ARHGAP15: variants seen among roughly 807,000 people sequenced by gnomAD.
ARHGAP15 encodes the protein rho GTPase-activating protein 15.
In ARHGAP15, 51 loss-of-function variants were observed where a neutral mutation model predicts 63.7. That is an observed-to-expected ratio of 0.80 (90% confidence interval 0.64 to 1.01). The LOEUF (loss-of-function observed/expected upper bound fraction) is 1.01, where lower values mean the gene tolerates loss of function less well. Ranked by LOEUF, ARHGAP15 falls within the 50% of genes least tolerant of loss-of-function variation. ARHGAP15 has a pLI of 0.00. For synonymous variants in ARHGAP15, 191 were observed against 193.8 expected (o/e 0.99, Z 0.12); for missense variants, 560 against 564.6 (o/e 0.99, Z 0.08).
At chr2:143,613,509 A>G (rs1317998022) in intron 11 of ARHGAP15, among the ~76,000 whole-genome samples, 1 of 152,210 alleles carries the variant, frequency 6.6e-6, no homozygotes, top group East Asian at 1.9e-4. Flanking sequence ...TTATGATACT[A>G]AAACACCATT....
At chr2:143,730,723 A>C (rs1392477625) in intron 13 of ARHGAP15, among the ~76,000 whole-genome samples, 3 of 152,076 alleles carry the variant, frequency 2.0e-5, no homozygotes, top group African/African-American at 7.2e-5. Context: ...TATATTCCAC[A>C]GTGCAGTGTC....
At chr2:143,379,122 C>G (rs886992219) in intron 6 of ARHGAP15, among the ~76,000 whole-genome samples, 20 of 151,886 alleles carry the variant, frequency 1.3e-4, no homozygotes, top group African/African-American at 4.8e-4. Context: ...TCATTAAAAG[C>G]AGAGATGATT....
chr2:143,661,715 G>A (rs986367993), intron 12 of ARHGAP15, among the ~76,000 whole-genome samples: 26 of 152,288 alleles, frequency 1.7e-4, no homozygotes, highest in East Asian at 5.8e-4. Flanking sequence ...CAGTGGGTGC[G>A]CACACCGTGC....
chr2:143,344,452 G>C (rs76783691), intron 6 of ARHGAP15, among the ~76,000 whole-genome samples: 2,863 of 152,154 alleles, frequency 0.019, 89 homozygotes, highest in African/African-American at 0.065. Flanking sequence ...TAGCAGTATA[G>C]TAGAGTGTGT....
chr2:143,158,760 A>G (rs1690181156), intron 2 of ARHGAP15, among the ~76,000 whole-genome samples: 1 of 151,938 alleles, frequency 6.6e-6, no homozygotes, highest in Non-Finnish European at 1.5e-5. Flanking sequence ...AAAGGTAGAC[A>G]GCTTATTTAC....
chr2:143,138,395 G>A (rs1409366032), intron 1 of ARHGAP15, among the ~76,000 whole-genome samples: 2 of 152,054 alleles, frequency 1.3e-5, no homozygotes, highest in South Asian at 2.1e-4. Context: ...TAATTTTGAA[G>A]CCTGTTAAGT....
chr2:143,155,733 CTTGTT>C, intron 2 of ARHGAP15, 78 bp downstream of exon 2: 1 of 1,409,728 alleles, frequency 7.1e-7, no homozygotes, highest in Non-Finnish European at 9.5e-7. Context: ...GCTAATTAGT[CTTGTT>C]TTATTTGTTT....
chr2:143,595,236 A>G (rs919028845), intron 11 of ARHGAP15, among the ~76,000 whole-genome samples: 3 of 152,282 alleles, frequency 2.0e-5, no homozygotes, highest in South Asian at 4.1e-4. Flanking sequence ...CATTCAGCAA[A>G]TCAGTTGCTG....
chr2:143,275,274 C>T (rs1433443202), intron 6 of ARHGAP15, among the ~76,000 whole-genome samples: 1 of 152,138 alleles, frequency 6.6e-6, no homozygotes, highest in Non-Finnish European at 1.5e-5. Flanking sequence ...CAAACCTTGG[C>T]AGAGAGTAGC....
At chr2:143,611,755 C>CA (rs2105218177) in intron 11 of ARHGAP15, among the ~76,000 whole-genome samples, 1 of 152,206 alleles carries the variant, frequency 6.6e-6, no homozygotes, top group Non-Finnish European at 1.5e-5. Context: ...ATCTTTTTAT[C>CA]AAAAAACAAA....
intron 6 of ARHGAP15, among the ~76,000 whole-genome samples, chr2:143,320,241 G>T (rs760983241): frequency 4.6e-5 from 7 of 152,086 alleles, no homozygotes; most frequent in Non-Finnish European, 1.0e-4. Flanking sequence ...AGTCCTACCA[G>T]ACAAAGGAGG....
intron 10 of ARHGAP15, among the ~76,000 whole-genome samples, chr2:143,540,435 T>C (rs980110789): frequency 2.0e-5 from 3 of 152,204 alleles, no homozygotes; most frequent in Admixed American, 2.0e-4. Context: ...TAGCTGGTTA[T>C]TTTGCTTGTT....
intron 11 of ARHGAP15, among the ~76,000 whole-genome samples, chr2:143,603,669 T>C (rs1384240877): frequency 6.6e-6 from 1 of 152,196 alleles, no homozygotes; most frequent in Non-Finnish European, 1.5e-5. Flanking sequence ...CTTAAAGCTG[T>C]TGAAGTTGAA....
intron 6 of ARHGAP15, among the ~76,000 whole-genome samples, chr2:143,272,880 T>C (rs1681360277): frequency 6.6e-6 from 1 of 152,226 alleles, no homozygotes; most frequent in African/African-American, 2.4e-5. Flanking sequence ...TCTTGCTTTT[T>C]AATTGGATGT....
chr2:143,434,704 G>A lies in ARHGAP15; in HGVS notation c.475-897G>A, dbSNP rs570386901. 2.0e-3 allele frequency among the ~76,000 whole-genome samples: 302 copies of A among 152,212 alleles called. 1 individual carries two copies. Among genetic ancestry groups the A allele is most frequent in the Non-Finnish European group, 3.6e-3 (244 of 67,980 alleles). On this transcript the variant is annotated intron_variant, in intron 6 of 13. Transcript: ENST00000295095. ...GTTCATCTTCCAGTTGCAAGGAAAA[G>A]TCAATAATACAAAGGGAAAATCTTC...
At chr2:143,402,741 T>A (rs902145226) in intron 6 of ARHGAP15, among the ~76,000 whole-genome samples, 1 of 151,816 alleles carries the variant, frequency 6.6e-6, no homozygotes, top group Admixed American at 6.6e-5. Flanking sequence ...AAGAGCCTCA[T>A]GTTGGGCTGA....
At chr2:143,631,436 C>T (rs548813122) in intron 12 of ARHGAP15, among the ~76,000 whole-genome samples, 9 of 151,998 alleles carry the variant, frequency 5.9e-5, no homozygotes, top group South Asian at 4.1e-4. Context: ...TTTCAATTCC[C>T]GTCAACAGTA....
At chr2:143,672,248 G>T (rs1006915125) in intron 12 of ARHGAP15, among the ~76,000 whole-genome samples, 1 of 152,060 alleles carries the variant, frequency 6.6e-6, no homozygotes, top group Non-Finnish European at 1.5e-5. Flanking sequence ...ATAGTATTAG[G>T]CAGACTTATC....
Position 143,174,454 on chromosome 2 carries a change from C to T in ARHGAP15, c.165+18799C>T, listed in dbSNP as rs766655546. The stretch of plus-strand genomic sequence containing the variant: ...TTTTAATTTTTTTTAAAAAAAGAAA[C>T]ATACAAAATACTCTAAAGAAACTTA... On this transcript the variant is annotated intron_variant, in intron 2 of 13. Transcript: ENST00000295095. 1.5e-4 allele frequency among the ~76,000 whole-genome samples: 23 copies of T among 152,058 alleles called. 1 individual carries two copies. Among genetic ancestry groups the T allele is most frequent in the Admixed American group, 1.2e-3 (18 of 15,246 alleles).
Sources: allele counts gnomAD v4.1 joint callset (sites outside exome capture counted in the v4.1 genomes callset), GRCh38; gene constraint gnomAD v4.1.1; transcripts MANE v1.5; gene names NCBI Gene and HGNC (gene_info 2026-07-23, HGNC 2026-07-21).